The following PTPRD variants were observed in gnomAD, a reference collection of about 807,000 sequenced individuals.
PTPRD encodes receptor-type tyrosine-protein phosphatase delta.
A neutral mutation model predicts 214.5 loss-of-function variants in PTPRD; 34 were observed. The ratio of observed to expected loss-of-function variants is 0.16; its 90% CI spans 0.12 to 0.21. The LOEUF (loss-of-function observed/expected upper bound fraction) is 0.21, where lower values mean the gene tolerates loss of function less well. PTPRD is among the 10% of genes least tolerant of loss of function. PTPRD has a pLI of 1.00. For missense variants in PTPRD, 2,545 were observed against 2,398.7 expected, an observed-to-expected ratio of 1.06 and a Z score of -1.27; for synonymous variants, 1,128 against 845.7, an observed-to-expected ratio of 1.33 and a Z score of -5.79.
chr9:9,939,180 T>C (rs1241906129), intron 4 of PTPRD, among the ~76,000 whole-genome samples: 4 of 152,156 alleles, frequency 2.6e-5, no homozygotes, highest in Non-Finnish European at 5.9e-5. Context: ...ACTATGGAAA[T>C]AGACCGCTTG....
chr9:9,517,991 T>C (rs998823954), intron 8 of PTPRD, among the ~76,000 whole-genome samples: 2 of 152,088 alleles, frequency 1.3e-5, no homozygotes, highest in Non-Finnish European at 2.9e-5. Context: ...AAGTATTACT[T>C]TTATACTCAA....
At chr9:10,394,407 CCTT>C (rs772170871) in intron 2 of PTPRD, among the ~76,000 whole-genome samples, 8 of 151,588 alleles carry the variant, frequency 5.3e-5, no homozygotes, top group Non-Finnish European at 1.0e-4. Context: ...ATGAATAATG[CCTT>C]CTTCTTAGTT....
chr9:9,946,070 T>C (rs10978122), intron 4 of PTPRD, among the ~76,000 whole-genome samples: 16 of 38,728 alleles, frequency 4.1e-4, no homozygotes, highest in South Asian at 2.6e-3. Context: ...GGGAAAGTCA[T>C]CCTTCACTTT....
chr9:9,794,176 T>G (rs978645373), intron 5 of PTPRD, among the ~76,000 whole-genome samples: 10 of 148,946 alleles, frequency 6.7e-5, no homozygotes, highest in African/African-American at 2.5e-4. Context: ...TATATATACA[T>G]GTATATATAC....
chr9:9,997,560 A>T (rs2096169648), intron 4 of PTPRD, among the ~76,000 whole-genome samples: 1 of 152,186 alleles, frequency 6.6e-6, no homozygotes. Flanking sequence ...AAGTGCTGTG[A>T]TTACAGGCGT....
chr9:9,505,912 A>G lies in PTPRD; in HGVS notation c.-237+68820T>C, dbSNP rs182236477. ...AGTGACGGGACAATCACCAATAAAC[A>G]TCCAACTCTTAAATCGGAAATACTC... On this transcript the variant is annotated intron_variant, in intron 8 of 45. Coordinates refer to ENST00000381196, the MANE Select transcript of PTPRD (RefSeq NM_002839.4). 1.2e-4 allele frequency among the ~76,000 whole-genome samples: 18 copies of G among 151,578 alleles called. No individual in the cohort carries two copies. In the East Asian group the frequency reaches 3.5e-3, roughly 30 times the overall value.
intron 2 of PTPRD, among the ~76,000 whole-genome samples, chr9:10,501,563 G>A (rs2043728410): frequency 6.6e-6 from 1 of 151,874 alleles, no homozygotes; most frequent in Non-Finnish European, 1.5e-5. Context: ...AGATTTAACT[G>A]ACCTTAAAGT....
chr9:10,486,029 G>GT (rs199991184), intron 2 of PTPRD, among the ~76,000 whole-genome samples: 70 of 148,706 alleles, frequency 4.7e-4, no homozygotes, highest in Middle Eastern at 3.5e-3. Context: ...ACTTTTTGAT[G>GT]TTTTTTTTTT....
chr9:9,433,485 T>C (rs1238754175), intron 8 of PTPRD, among the ~76,000 whole-genome samples: 1 of 152,214 alleles, frequency 6.6e-6, no homozygotes, highest in East Asian at 1.9e-4. Flanking sequence ...CTTCTCTTTT[T>C]ATTTTTTTAA....
Position 10,050,559 on chromosome 9 carries a change from C to CAAAAAAAAAA in PTPRD, c.-544-16779_-544-16770dup, listed in dbSNP as rs1164243746. ...TGGGCAATAAAGAGAGAGTCTGTCTCAAAAAAAAAAAAAAAAAAAAAAAAA... is the reference window on the plus strand; with the variant it reads ...TGGGCAATAAAGAGAGAGTCTGTCTCAAAAAAAAAAAAAAAAAAAAAAAAAAAAAAAAAAA... On this transcript the variant is annotated intron_variant, in intron 3 of 45. Transcript: ENST00000381196. 5.8e-3 allele frequency among the ~76,000 whole-genome samples: 81 copies of CAAAAAAAAAA among 13,994 alleles called. 9 individuals carry two copies. The highest frequency in any genetic ancestry group is 0.022 in the East Asian group (8 of 370). 9.2% of individuals were successfully genotyped at this position (13,994 alleles called of 152,430 possible).
intron 9 of PTPRD, among the ~76,000 whole-genome samples, chr9:9,269,580 A>G (rs1941909493): frequency 6.6e-6 from 1 of 151,588 alleles, no homozygotes; most frequent in South Asian, 2.1e-4. Context: ...ATTTTTTCCA[A>G]TAGTCAAGAT....
At chr9:8,423,426 A>G (rs555778175) in intron 35 of PTPRD, among the ~76,000 whole-genome samples, 1 of 152,316 alleles carries the variant, frequency 6.6e-6, no homozygotes, top group South Asian at 2.1e-4. Context: ...AACAGCTCCT[A>G]TCTTTTCAAA....
chr9:8,979,987 T>C (rs1048779995), intron 11 of PTPRD, among the ~76,000 whole-genome samples: 16 of 152,066 alleles, frequency 1.1e-4, no homozygotes, highest in African/African-American at 3.4e-4. Context: ...AGCAAATGGA[T>C]ACAGAAAATG....
At chr9:8,697,764 G>GGTGT (rs111905531) in intron 12 of PTPRD, among the ~76,000 whole-genome samples, 2 of 149,818 alleles carry the variant, frequency 1.3e-5, no homozygotes, top group Non-Finnish European at 3.0e-5. Context: ...TGGGTGCGTG[G>GGTGT]GTGTGTGTGT....
At chr9:10,226,283 T>A (rs1300515501) in intron 3 of PTPRD, among the ~76,000 whole-genome samples, 2 of 152,104 alleles carry the variant, frequency 1.3e-5, no homozygotes, top group African/African-American at 4.8e-5. Context: ...GCCACAGCTT[T>A]GCTCTGTTCC....
chr9:9,795,318 A>G (rs1417730556), intron 5 of PTPRD, among the ~76,000 whole-genome samples: 1 of 152,154 alleles, frequency 6.6e-6, no homozygotes, highest in Non-Finnish European at 1.5e-5. Context: ...CATTGTAGGG[A>G]AAGTTTTTAG....
chr9:10,077,564 G>C (rs542623385), intron 3 of PTPRD, among the ~76,000 whole-genome samples: 3 of 152,150 alleles, frequency 2.0e-5, no homozygotes, highest in East Asian at 3.9e-4. Context: ...CATGTCACTG[G>C]GGTTTGGTGT....
intron 13 of PTPRD, among the ~76,000 whole-genome samples, chr9:8,635,978 C>A (rs2096419265): frequency 6.6e-6 from 1 of 152,142 alleles, no homozygotes; most frequent in Non-Finnish European, 1.5e-5. Flanking sequence ...CTGAGCTCTC[C>A]TGAATAAAGA....
intron 11 of PTPRD, among the ~76,000 whole-genome samples, chr9:8,919,062 T>C (rs916658784): frequency 6.6e-6 from 1 of 152,184 alleles, no homozygotes; most frequent in African/African-American, 2.4e-5. Context: ...TTTATTATGC[T>C]CTTCTCTATA....
Sources: gnomAD v4.1 joint callset for allele counts (sites outside exome capture counted in the v4.1 genomes callset) on GRCh38, gnomAD v4.1.1 for gene constraint, MANE v1.5 for transcripts, NCBI Gene and HGNC (gene_info 2026-07-23, HGNC 2026-07-21) for gene names.